Variants in TRAPPC9 observed in about 807,000 individuals in gnomAD.
TRAPPC9 encodes trafficking protein particle complex subunit 9.
A neutral mutation model predicts 124.0 loss-of-function variants in TRAPPC9; 83 were observed. That is an observed-to-expected ratio of 0.67 (90% CI 0.56 to 0.80). The LOEUF (loss-of-function observed/expected upper bound fraction) is 0.80, where lower values mean the gene tolerates loss of function less well. TRAPPC9 is among the 30% of genes least tolerant of loss of function. The pLI is 0.00. For synonymous variants in TRAPPC9, 638 were observed against 617.5 expected (o/e 1.03, Z -0.49); for missense variants, 1,302 against 1,508.3 (o/e 0.86, Z 2.27).
At chr8:140,175,599 T>C (rs1221116413) in intron 17 of TRAPPC9, among the ~76,000 whole-genome samples, 1 of 152,072 alleles carries the variant, frequency 6.6e-6, no homozygotes, top group Non-Finnish European at 1.5e-5. Context: ...AGTAACTGAG[T>C]CTTAAGTATG....
Position 140,370,128 on chromosome 8 carries a change from G to GT in TRAPPC9, c.1351+835dup, listed in dbSNP as rs35915091. Among the ~76,000 whole-genome samples the GT allele has an allele frequency of 1.4e-3, 207 of 148,208 alleles. No homozygotes were observed. The East Asian group carries it at 0.021, about 15-fold the overall frequency. ...TATCTAAAAGTAACCCCTCAAAAAT[G>GT]TTTTTTTTTTTGTTTTTTTGGGTTT... On this transcript the variant is annotated intron_variant, in intron 8 of 22. Transcript: ENST00000438773.
intron 21 of TRAPPC9, among the ~76,000 whole-genome samples, chr8:139,813,431 G>GC (rs1824581441): frequency 6.6e-6 from 1 of 152,208 alleles, no homozygotes; most frequent in African/African-American, 2.4e-5. Context: ...CGGAGAGAAG[G>GC]CACCTTCTGG....
rs187411596 is a variant in TRAPPC9, at chr8:139,957,863, G to A, written c.2810+30863C>T. Among the ~76,000 whole-genome samples the A allele has an allele frequency of 1.2e-4, 18 of 152,294 alleles. No individual in the cohort carries two copies. In the East Asian group the frequency reaches 2.1e-3, roughly 18 times the overall value. On this transcript the variant is annotated intron_variant, in intron 19 of 22. Transcript: ENST00000438773. Reference sequence around the variant, plus strand: ...TGCCAACCATCCCAGCCTCCTCTTCGTCTTCTCCAAAGGCCCCGTGTTCTA... The same window carrying A: ...TGCCAACCATCCCAGCCTCCTCTTCATCTTCTCCAAAGGCCCCGTGTTCTA...
intron 21 of TRAPPC9, among the ~76,000 whole-genome samples, chr8:139,847,265 G>A (rs919593345): frequency 1.3e-5 from 2 of 152,222 alleles, no homozygotes; most frequent in African/African-American, 2.4e-5. Context: ...TTTTCTGAGC[G>A]GGGGAAACAC....
At chr8:140,147,750 C>T (rs1210344176) in intron 17 of TRAPPC9, among the ~76,000 whole-genome samples, 1 of 152,192 alleles carries the variant, frequency 6.6e-6, no homozygotes, top group Non-Finnish European at 1.5e-5. Context: ...GTATGGATTA[C>T]TTTACTTGAT....
rs371605776 is a variant in TRAPPC9, at chr8:139,830,834, A to G, written c.3055+55045T>C. ...TGGATCCCAGGCCCACACTGTGAAG[A>G]GCAAGGCTGCTGGTGACCACGAACA... On this transcript the variant is annotated intron_variant, in intron 21 of 22. Transcript: ENST00000438773. Among the ~76,000 whole-genome samples, 17 of 152,334 alleles carry G rather than the reference A, an allele frequency of 1.1e-4. No individual in the cohort carries two copies. In the South Asian group the frequency reaches 3.3e-3, roughly 30 times the overall value.
intron 21 of TRAPPC9, among the ~76,000 whole-genome samples, chr8:139,870,752 T>C (rs148795299): frequency 1.4e-3 from 213 of 152,302 alleles, no homozygotes; most frequent in African/African-American, 5.0e-3. Context: ...CAGCAGCCCA[T>C]GGGGAGAGGA....
intron 9 of TRAPPC9, among the ~76,000 whole-genome samples, chr8:140,334,850 C>A (rs1355694271): frequency 6.6e-6 from 1 of 151,700 alleles, no homozygotes. Context: ...GAATTGAGAA[C>A]TAAGCAAGAT....
intron 20 of TRAPPC9, among the ~76,000 whole-genome samples, chr8:139,895,916 A>G (rs1280702942): frequency 6.6e-6 from 1 of 152,260 alleles, no homozygotes. Flanking sequence ...AGCAGAGACC[A>G]TGCCTAACAG....
intron 12 of TRAPPC9, among the ~76,000 whole-genome samples, chr8:140,290,769 T>C (rs1039143829): frequency 1.9e-4 from 29 of 152,200 alleles, no homozygotes; most frequent in Admixed American, 5.9e-4. Context: ...TGTGTTCAAA[T>C]CAGAGGTTTC....
chr8:140,102,507 A>G (rs1392641886), intron 17 of TRAPPC9, among the ~76,000 whole-genome samples: 3 of 152,140 alleles, frequency 2.0e-5, no homozygotes, highest in African/African-American at 7.2e-5. Context: ...ATGCACGCAC[A>G]CACACAGACA....
chr8:139,728,042 G>A lies in TRAPPC9; in HGVS notation c.*3019C>T, dbSNP rs1231397181. 6.6e-6 allele frequency among the ~76,000 whole-genome samples: 1 copy of A among 152,052 alleles called. No homozygotes were observed. The highest frequency in any genetic ancestry group is 1.9e-4 in the East Asian group (1 of 5,200). Reference sequence around the variant, plus strand: ...TCATGTGCTAAAAAAAAATCTAGGAGGTTAAATCAAATAAACTGATATGAA... The same window carrying A: ...TCATGTGCTAAAAAAAAATCTAGGAAGTTAAATCAAATAAACTGATATGAA... On this transcript the variant is annotated 3_prime_UTR_variant, in exon 23 of 23. Coordinates refer to ENST00000438773, the MANE Select transcript of TRAPPC9 (RefSeq NM_001160372.4).
intron 18 of TRAPPC9, among the ~76,000 whole-genome samples, chr8:140,000,355 T>C (rs1233569543): frequency 6.6e-6 from 1 of 152,126 alleles, no homozygotes; most frequent in African/African-American, 2.4e-5. Context: ...CCAAAAGCAA[T>C]GGCAACAAAA....
chr8:139,965,619 C>A (rs1465926803), intron 19 of TRAPPC9, among the ~76,000 whole-genome samples: 1 of 152,236 alleles, frequency 6.6e-6, no homozygotes, highest in Non-Finnish European at 1.5e-5. Flanking sequence ...CAGGAGCCCC[C>A]AGCTGACACT....
chr8:140,224,453 T>C (rs147882961), intron 16 of TRAPPC9, among the ~76,000 whole-genome samples: 3 of 152,254 alleles, frequency 2.0e-5, no homozygotes, highest in African/African-American at 7.2e-5. Flanking sequence ...AGCAGAACCT[T>C]TGACATACTC....
At chr8:140,115,236 C>T (rs1391646242) in intron 17 of TRAPPC9, among the ~76,000 whole-genome samples, 1 of 151,456 alleles carries the variant, frequency 6.6e-6, no homozygotes, top group Non-Finnish European at 1.5e-5. Context: ...CAACCTAATA[C>T]AATGTAAGTG....
intron 2 of TRAPPC9, among the ~76,000 whole-genome samples, chr8:140,449,429 G>A (rs951784572): frequency 2.6e-5 from 4 of 152,218 alleles, no homozygotes; most frequent in Admixed American, 2.6e-4. Flanking sequence ...ATCTCATCCA[G>A]CTCTGCAGAA....
chr8:140,434,506 T>C (rs1273681389), intron 4 of TRAPPC9, among the ~76,000 whole-genome samples: 2 of 152,202 alleles, frequency 1.3e-5, no homozygotes, highest in African/African-American at 4.8e-5. Flanking sequence ...CCTCTGGGAC[T>C]AGCTTCTCCT....
At chr8:139,854,076 T>C (rs1456325786) in intron 21 of TRAPPC9, among the ~76,000 whole-genome samples, 1 of 152,112 alleles carries the variant, frequency 6.6e-6, no homozygotes, top group Admixed American at 6.5e-5. Flanking sequence ...CCAGGAAAAT[T>C]AACACATCTG....
Sources: gnomAD v4.1 joint callset for allele counts (sites outside exome capture counted in the v4.1 genomes callset) on GRCh38, gnomAD v4.1.1 for gene constraint, MANE v1.5 for transcripts, NCBI Gene and HGNC (gene_info 2026-07-23, HGNC 2026-07-21) for gene names.